ANO4: variants seen among roughly 807,000 people sequenced by gnomAD.
ANO4 encodes the protein anoctamin 4, also known as anoctamin-4.
A neutral mutation model predicts 141.9 loss-of-function variants in ANO4; 69 were observed. That is an observed-to-expected ratio of 0.49 (90% confidence interval 0.40 to 0.59). ANO4 has a LOEUF of 0.59. ANO4 is among the 20% of genes least tolerant of loss of function. ANO4 has a pLI of 0.00. For missense variants in ANO4, 894 were observed against 1,162.2 expected, an observed-to-expected ratio of 0.77 and a Z score of 3.36; for synonymous variants, 350 against 394.3, an observed-to-expected ratio of 0.89 and a Z score of 1.33.
chr12:101,063,743 A>ATCT (rs1483822796), intron 14 of ANO4, among the ~76,000 whole-genome samples: 1 of 12,094 alleles, frequency 8.3e-5, no homozygotes, highest in African/African-American at 3.7e-4. Context: ...TGTCCAGGTT[A>ATCT]TCTTTTTTTT....
Position 100,988,873 on chromosome 12 carries a change from A to G in ANO4, c.734+1203A>G, listed in dbSNP as rs1385974057. On this transcript the variant is annotated intron_variant, in intron 8 of 27. Coordinates refer to ENST00000392977, the MANE Select transcript of ANO4 (RefSeq NM_001286615.2). ...GTGACAGAGTGAGACTCTGTCTCAG[A>G]AAAAAAAAAAAAAAAGAAAGAAAAA... Among the ~76,000 whole-genome samples, 3 of 62,182 alleles carry G rather than the reference A, an allele frequency of 4.8e-5. No individual in the cohort carries two copies. In the South Asian group the frequency reaches 1.8e-3, roughly 38 times the overall value. The allele number at this position is 62,182 out of a possible 152,430, so 40.8% of individuals were successfully genotyped here.
At chr12:101,059,739 T>A (rs955012044) in intron 14 of ANO4, among the ~76,000 whole-genome samples, 44 of 152,316 alleles carry the variant, frequency 2.9e-4, no homozygotes, top group African/African-American at 9.9e-4. Context: ...CCCTTTATCA[T>A]TTTTTATTGT....
At chr12:100,778,911 C>T (rs1367305019) in intron 3 of ANO4, among the ~76,000 whole-genome samples, 3 of 152,148 alleles carry the variant, frequency 2.0e-5, no homozygotes, top group Non-Finnish European at 4.4e-5. Context: ...GCTTCACTAA[C>T]ACACTCATAT....
intron 9 of ANO4, among the ~76,000 whole-genome samples, chr12:101,032,697 G>GC (rs1161563496): frequency 4.2e-4 from 63 of 151,676 alleles, no homozygotes; most frequent in African/African-American, 1.5e-3. Context: ...CATTTATGCA[G>GC]CCAAAAAACA....
rs140105308 is a variant in ANO4, at chr12:101,124,237, C to A, written c.2677-2642C>A. Reference sequence around the variant, plus strand: ...TTATCAATAATGTTGAGCTTTTTTTCATATGTTTGTTGGCTGCATGAATGT... The same window carrying A: ...TTATCAATAATGTTGAGCTTTTTTTAATATGTTTGTTGGCTGCATGAATGT... On this transcript the variant is annotated intron_variant, in intron 26 of 27. Coordinates refer to ENST00000392977, the MANE Select transcript of ANO4 (RefSeq NM_001286615.2). Among the ~76,000 whole-genome samples, 66 of 152,050 alleles carry A rather than the reference C, an allele frequency of 4.3e-4. No homozygotes were observed. The East Asian group carries it at 0.012, about 28-fold the overall frequency.
chr12:101,018,439 G>T (rs970938082), intron 8 of ANO4, among the ~76,000 whole-genome samples: 8 of 152,092 alleles, frequency 5.3e-5, no homozygotes, highest in Non-Finnish European at 1.2e-4. Flanking sequence ...AAATACTTCG[G>T]TAAATCAGTT....
chr12:100,803,339 G>A (rs2036709694), intron 1 of ANO4, among the ~76,000 whole-genome samples: 1 of 152,194 alleles, frequency 6.6e-6, no homozygotes, highest in Non-Finnish European at 1.5e-5. Flanking sequence ...TTGGGAGGAA[G>A]GGAGGTAGGG....
intron 3 of ANO4, among the ~76,000 whole-genome samples, chr12:100,924,543 G>C (rs2041781157): frequency 6.6e-6 from 1 of 152,098 alleles, no homozygotes; most frequent in Non-Finnish European, 1.5e-5. Flanking sequence ...GAGAATATAA[G>C]GGGATCAGCT....
chr12:100,773,732 T>C lies in ANO4; in HGVS notation c.358+33627T>C, dbSNP rs934200580. The stretch of plus-strand genomic sequence containing the variant: ...TAAAAAACCCAACTTTATTGTGAAA[T>C]ATAACATATATGCAGACAAGTGCAT... On this transcript the variant is annotated intron_variant, in intron 3 of 29. Transcript: ENST00000644049. 1.2e-4 allele frequency among the ~76,000 whole-genome samples: 19 copies of C among 152,318 alleles called. 1 individual carries two copies. Among genetic ancestry groups the C allele is most frequent in the Admixed American group, 4.6e-4 (7 of 15,302 alleles).
intron 17 of ANO4, among the ~76,000 whole-genome samples, chr12:101,091,667 C>T (rs2049781711): frequency 6.6e-6 from 1 of 152,056 alleles, no homozygotes; most frequent in African/African-American, 2.4e-5. Flanking sequence ...CCATACTTTT[C>T]TTCCAAAGGT....
intron 8 of ANO4, among the ~76,000 whole-genome samples, chr12:101,010,847 A>G (rs1247197308): frequency 6.6e-6 from 1 of 152,198 alleles, no homozygotes; most frequent in Non-Finnish European, 1.5e-5. Flanking sequence ...CTACATAACA[A>G]TCTACTACAA....
chr12:101,015,878 G>C (rs989108728), intron 8 of ANO4, among the ~76,000 whole-genome samples: 1 of 152,168 alleles, frequency 6.6e-6, no homozygotes, highest in Admixed American at 6.5e-5. Flanking sequence ...ATGAGAGAGA[G>C]AGAGAGACTT....
intron 3 of ANO4, among the ~76,000 whole-genome samples, chr12:100,929,025 A>G (rs2041986064): frequency 6.6e-6 from 1 of 152,078 alleles, no homozygotes. Context: ...TATGGGGTAC[A>G]TGAAATATTT....
chr12:101,122,849 T>A (rs1393456747), intron 26 of ANO4, among the ~76,000 whole-genome samples: 1 of 152,232 alleles, frequency 6.6e-6, no homozygotes, highest in Non-Finnish European at 1.5e-5. Context: ...TCTGGTTGTG[T>A]ATCATCACGG....
intron 9 of ANO4, among the ~76,000 whole-genome samples, chr12:101,028,580 G>A (rs779349413): frequency 6.6e-6 from 1 of 152,146 alleles, no homozygotes; most frequent in East Asian, 1.9e-4. Flanking sequence ...GGATATCAGA[G>A]TTTGAAGACC....
chr12:100,858,856 AGGAGTGACTCAAACATATATT>A (rs1315395709), intron 1 of ANO4, among the ~76,000 whole-genome samples: 8 of 152,228 alleles, frequency 5.3e-5, no homozygotes, highest in African/African-American at 1.9e-4. Flanking sequence ...TACTCCCAAC[AGGAGTGACTCAAACATATATT>A]GGAAGCAAGA....
At chr12:101,096,180 G>A (rs2049974415) in intron 18 of ANO4, among the ~76,000 whole-genome samples, 1 of 149,392 alleles carries the variant, frequency 6.7e-6, no homozygotes, top group Non-Finnish European at 1.5e-5. Flanking sequence ...CATAGATTAA[G>A]AGGAAAAGAA....
At chr12:100,981,751 C>T (rs1315316479) in intron 7 of ANO4, among the ~76,000 whole-genome samples, 1 of 152,110 alleles carries the variant, frequency 6.6e-6, no homozygotes, top group East Asian at 1.9e-4. Flanking sequence ...CAGGCTATGC[C>T]CACAGCATGC....
chr12:101,026,025 A>G (rs2046721570), intron 9 of ANO4, among the ~76,000 whole-genome samples: 1 of 152,196 alleles, frequency 6.6e-6, no homozygotes, highest in African/African-American at 2.4e-5. Flanking sequence ...CGGGACAAGT[A>G]TGTCTGCACT....
Sources: allele counts gnomAD v4.1 joint callset (sites outside exome capture counted in the v4.1 genomes callset), GRCh38; gene constraint gnomAD v4.1.1; transcripts MANE v1.5; gene names NCBI Gene and HGNC (gene_info 2026-07-23, HGNC 2026-07-21).